Variants in JAZF1 observed in about 807,000 individuals in gnomAD.
JAZF1 encodes the protein juxtaposed with another zinc finger protein 1.
A neutral mutation model predicts 26.4 loss-of-function variants in JAZF1; 8 were observed. The observed-to-expected ratio is 0.30, with a 90% confidence interval of 0.18 to 0.55. The LOEUF (loss-of-function observed/expected upper bound fraction) is 0.55. JAZF1 is among the 20% of genes least tolerant of loss of function. The probability of loss-of-function intolerance (pLI) is 0.94; values close to 1 mark genes in which losing one functional copy is unlikely to be tolerated. For missense variants in JAZF1, 199 were observed against 322.0 expected, an observed-to-expected ratio of 0.62 and a Z score of 2.92; for synonymous variants, 126 against 122.3, an observed-to-expected ratio of 1.03 and a Z score of -0.20.
intron 1 of JAZF1, among the ~76,000 whole-genome samples, chr7:28,142,217 T>C (rs1313253267): frequency 1.3e-5 from 2 of 152,180 alleles, no homozygotes; most frequent in African/African-American, 2.4e-5. Context: ...GGGAGCTCAG[T>C]GAAATTCCTG....
intron 1 of JAZF1, among the ~76,000 whole-genome samples, chr7:28,009,522 C>T (rs1347844659): frequency 2.7e-5 from 4 of 150,586 alleles, no homozygotes; most frequent in Admixed American, 6.6e-5. Context: ...CTCGCTCTGT[C>T]GCCCAGGCTG....
chr7:28,100,166 G>A (rs764392623), intron 1 of JAZF1, among the ~76,000 whole-genome samples: 7 of 152,180 alleles, frequency 4.6e-5, no homozygotes, highest in Non-Finnish European at 1.0e-4. Context: ...AGGGTGGGGA[G>A]AGAAACCCAT....
At chr7:27,908,813 C>T (rs1257998816) in intron 2 of JAZF1, among the ~76,000 whole-genome samples, 1 of 152,216 alleles carries the variant, frequency 6.6e-6, no homozygotes, top group Non-Finnish European at 1.5e-5. Flanking sequence ...CATTGGAACA[C>T]ACATTCTATT....
At chr7:28,167,317 C>G (rs577961868) in intron 1 of JAZF1, among the ~76,000 whole-genome samples, 2 of 152,292 alleles carry the variant, frequency 1.3e-5, no homozygotes, top group South Asian at 4.1e-4. Flanking sequence ...TCAGAATTCA[C>G]CAGCTAGCAC....
At chr7:27,907,589 G>C (rs532674482) in intron 2 of JAZF1, among the ~76,000 whole-genome samples, 2 of 152,274 alleles carry the variant, frequency 1.3e-5, no homozygotes, top group Middle Eastern at 3.4e-3. Flanking sequence ...AGGTGGGGTG[G>C]GTGACCATCA....
intron 3 of JAZF1, chr7:27,846,506 C>T (rs1396358607): frequency 4.2e-6 from 2 of 470,826 alleles, no homozygotes; most frequent in African/African-American, 2.0e-5. Flanking sequence ...GCTGGGAGAA[C>T]ATGAGAGTGC....
intron 1 of JAZF1, among the ~76,000 whole-genome samples, chr7:28,091,562 C>T (rs1362895229): frequency 6.7e-6 from 1 of 150,024 alleles, no homozygotes; most frequent in Non-Finnish European, 1.5e-5. Context: ...CCTGAATAAA[C>T]AAAGTCCTGA....
intron 1 of JAZF1, among the ~76,000 whole-genome samples, chr7:28,118,809 A>T (rs1342446396): frequency 6.6e-6 from 1 of 151,936 alleles, no homozygotes; most frequent in African/African-American, 2.4e-5. Flanking sequence ...ACACACACAG[A>T]GTCATGAGCA....
chr7:28,093,953 C>T (rs1378872894), intron 1 of JAZF1, among the ~76,000 whole-genome samples: 1 of 152,194 alleles, frequency 6.6e-6, no homozygotes, highest in Non-Finnish European at 1.5e-5. Flanking sequence ...ACAACTTGAC[C>T]CTCCCTCTTC....
At chr7:28,131,672 C>G (rs1489571445) in intron 1 of JAZF1, among the ~76,000 whole-genome samples, 1 of 152,138 alleles carries the variant, frequency 6.6e-6, no homozygotes, top group African/African-American at 2.4e-5. Context: ...CAACACTAAC[C>G]ACAAATCTTC....
intron 1 of JAZF1, among the ~76,000 whole-genome samples, chr7:28,147,802 G>C (rs1783051349): frequency 6.6e-6 from 1 of 151,980 alleles, no homozygotes; most frequent in Admixed American, 6.5e-5. Flanking sequence ...AGGGGGGACA[G>C]GGAGGCTGAG....
chr7:28,176,996 C>T (rs1041478660), intron 1 of JAZF1, among the ~76,000 whole-genome samples: 1 of 152,060 alleles, frequency 6.6e-6, no homozygotes, highest in Non-Finnish European at 1.5e-5. Flanking sequence ...AAATAAGAAG[C>T]AAGCAAACCT....
At chr7:28,141,239 T>C (rs949860133) in intron 1 of JAZF1, among the ~76,000 whole-genome samples, 2 of 152,126 alleles carry the variant, frequency 1.3e-5, no homozygotes, top group African/African-American at 2.4e-5. Flanking sequence ...ACAAACAAAA[T>C]GAACAAGCAC....
chr7:28,084,732 C>A (rs908798733), intron 1 of JAZF1, among the ~76,000 whole-genome samples: 13 of 152,196 alleles, frequency 8.5e-5, no homozygotes, highest in African/African-American at 2.4e-4. Flanking sequence ...TCTGGGCAGG[C>A]TCCCTCTCTC....
chr7:28,112,681 C>T (rs528854827), intron 1 of JAZF1, among the ~76,000 whole-genome samples: 98 of 152,272 alleles, frequency 6.4e-4, no homozygotes, highest in African/African-American at 2.3e-3. Context: ...GTACTGTGTT[C>T]ATCTGTCTCA....
chr7:27,939,133 A>C (rs1784804629), intron 2 of JAZF1, among the ~76,000 whole-genome samples: 2 of 152,182 alleles, frequency 1.3e-5, no homozygotes, highest in African/African-American at 4.8e-5. Flanking sequence ...AGGTCTACGG[A>C]GCACAGAGCA....
chr7:28,014,062 A>C (rs1235848970), intron 1 of JAZF1, among the ~76,000 whole-genome samples: 1 of 151,626 alleles, frequency 6.6e-6, no homozygotes, highest in African/African-American at 2.4e-5. Flanking sequence ...CTACAGCTGT[A>C]AAAATACAGT....
intron 1 of JAZF1, among the ~76,000 whole-genome samples, chr7:28,049,874 C>G (rs960843993): frequency 6.6e-6 from 1 of 152,158 alleles, no homozygotes; most frequent in Non-Finnish European, 1.5e-5. Flanking sequence ...TTTCTATGTT[C>G]ACCACCCCAG....
chr7:27,867,856 C>A (rs767761331), intron 3 of JAZF1, among the ~76,000 whole-genome samples: 15 of 152,192 alleles, frequency 9.9e-5, no homozygotes, highest in Non-Finnish European at 1.9e-4. Flanking sequence ...TAGACATGGG[C>A]ATTGTGGCCA....
Sources: gnomAD v4.1 joint callset for allele counts (sites outside exome capture counted in the v4.1 genomes callset) on GRCh38, gnomAD v4.1.1 for gene constraint, MANE v1.5 for transcripts, NCBI Gene and HGNC (gene_info 2026-07-23, HGNC 2026-07-21) for gene names.